DTNBP1: variants seen among roughly 807,000 people sequenced by gnomAD.
DTNBP1 encodes dystrobrevin binding protein 1.
A neutral mutation model predicts 42.8 loss-of-function variants in DTNBP1; 35 were observed. That is an observed-to-expected ratio of 0.82 (90% CI 0.63 to 1.09). DTNBP1 has a LOEUF of 1.09. DTNBP1 is among the 50% of genes least tolerant of loss of function. DTNBP1 has a pLI of 0.00. For synonymous variants in DTNBP1, 171 were observed against 162.2 expected (o/e 1.05, Z -0.41); for missense variants, 457 against 424.2 (o/e 1.08, Z -0.68).
At chr6:15,582,799 A>G (rs1223211212) in intron 7 of DTNBP1, among the ~76,000 whole-genome samples, 1 of 152,226 alleles carries the variant, frequency 6.6e-6, no homozygotes, top group Non-Finnish European at 1.5e-5. Context: ...AGTGAATAGC[A>G]TATTATTAAG....
chr6:15,541,922 C>T (rs1773585103), intron 7 of DTNBP1, among the ~76,000 whole-genome samples: 1 of 151,854 alleles, frequency 6.6e-6, no homozygotes, highest in African/African-American at 2.4e-5. Context: ...GGCCCCCAAA[C>T]CTCTGGGAGT....
chr6:15,635,702 C>T (rs938372375), intron 4 of DTNBP1, among the ~76,000 whole-genome samples: 7 of 152,126 alleles, frequency 4.6e-5, no homozygotes, highest in Admixed American at 4.6e-4. Flanking sequence ...CTCTGCCTAT[C>T]AATTCTTCTT....
intron 1 of DTNBP1, among the ~76,000 whole-genome samples, chr6:15,662,363 G>A (rs1761693779): frequency 6.6e-6 from 1 of 152,222 alleles, no homozygotes; most frequent in Non-Finnish European, 1.5e-5. Flanking sequence ...CTGCTGCGCG[G>A]TGCGATCCGA....
At chr6:15,632,384 TCTAA>T (rs1345086302) in intron 4 of DTNBP1, among the ~76,000 whole-genome samples, 1 of 152,200 alleles carries the variant, frequency 6.6e-6, no homozygotes, top group African/African-American at 2.4e-5. Context: ...CACATTTAAA[TCTAA>T]TGAAGCCAAA....
At chr6:15,640,942 G>A (rs993785263) in intron 3 of DTNBP1, among the ~76,000 whole-genome samples, 1 of 152,198 alleles carries the variant, frequency 6.6e-6, no homozygotes, top group African/African-American at 2.4e-5. Flanking sequence ...GCTTATGAAA[G>A]TCAAGGTGGG....
intron 6 of DTNBP1, among the ~76,000 whole-genome samples, chr6:15,612,209 A>T (rs980191835): frequency 6.6e-6 from 1 of 152,210 alleles, no homozygotes; most frequent in Admixed American, 6.5e-5. Flanking sequence ...CACCATCAAA[A>T]AGATTACAAC....
intron 7 of DTNBP1, among the ~76,000 whole-genome samples, chr6:15,534,742 G>A (rs922308047): frequency 4.0e-5 from 6 of 151,624 alleles, no homozygotes; most frequent in Non-Finnish European, 8.8e-5. Context: ...CTTAATCTTG[G>A]CTTTTTAGTG....
At chr6:15,637,871 G>C in intron 3 of DTNBP1, 67 bp from the exon 4 acceptor site, 1 of 1,466,130 alleles carries the variant, frequency 6.8e-7, no homozygotes, top group Non-Finnish European at 9.5e-7. Context: ...ATCTAAAGAT[G>C]AATGTGGAAT....
chr6:15,651,624 T>A (rs1375759450), intron 2 of DTNBP1, among the ~76,000 whole-genome samples: 1 of 152,182 alleles, frequency 6.6e-6, no homozygotes, highest in African/African-American at 2.4e-5. Flanking sequence ...AGAACAAATA[T>A]GTAAGATCAC....
Position 15,593,553 on chromosome 6 carries a change from G to A in DTNBP1, c.489-472C>T, listed in dbSNP as rs141477188. Among the ~76,000 whole-genome samples, 721 of 152,302 alleles carry A rather than the reference G, an allele frequency of 4.7e-3. 6 individuals carry two copies. Among genetic ancestry groups the A allele is most frequent in the African/African-American group, 0.017 (694 of 41,568 alleles). Reference sequence around the variant, plus strand: ...TTTCAACAGCAAAAGAGAAAAGGGGGAAAGTGCATATCAAAGGATTGAGGT... The same window carrying A: ...TTTCAACAGCAAAAGAGAAAAGGGGAAAAGTGCATATCAAAGGATTGAGGT... On this transcript the variant is annotated intron_variant, in intron 6 of 9. Coordinates refer to ENST00000344537, the MANE Select transcript of DTNBP1 (RefSeq NM_032122.5).
At chr6:15,632,110 T>C (rs919837475) in intron 4 of DTNBP1, among the ~76,000 whole-genome samples, 2 of 152,212 alleles carry the variant, frequency 1.3e-5, no homozygotes, top group African/African-American at 2.4e-5. Context: ...TGATATCTTT[T>C]ACTCACTTTT....
chr6:15,531,069 CA>C (rs2127794967), intron 8 of DTNBP1, among the ~76,000 whole-genome samples: 1 of 152,280 alleles, frequency 6.6e-6, no homozygotes, highest in Admixed American at 6.5e-5. Context: ...CAGAGAGCTC[CA>C]CCCTACTGTT....
chr6:15,620,773 C>T (rs927086530), intron 5 of DTNBP1, among the ~76,000 whole-genome samples: 21 of 152,094 alleles, frequency 1.4e-4, no homozygotes, highest in African/African-American at 4.1e-4. Context: ...ATATGGGGGA[C>T]GGGTTAAGAG....
intron 9 of DTNBP1, chr6:15,523,931 G>A (rs950286038): frequency 3.1e-6 from 4 of 1,287,262 alleles, no homozygotes; most frequent in Non-Finnish European, 3.0e-6. Flanking sequence ...ACTGAGCTTT[G>A]CCTTGACCCA....
intron 8 of DTNBP1, among the ~76,000 whole-genome samples, chr6:15,527,042 T>G (rs1266416172): frequency 6.6e-6 from 1 of 152,044 alleles, no homozygotes; most frequent in African/African-American, 2.4e-5. Context: ...TCTTAAAAAA[T>G]GAAAAGATAT....
rs1378921510 is a variant in DTNBP1 at position 15,662,940 on chromosome 6, G to A, written c.-71C>T. The A allele has an allele frequency of 6.3e-7, 1 of 1,589,862 alleles. No individual in the cohort carries two copies. The highest frequency in any genetic ancestry group is 1.1e-5 in the South Asian group (1 of 90,738). The stretch of plus-strand genomic sequence containing the variant: ...GCCTCTGTCGCCCCCTGGGTCCCAC[G>A]CCGCCAACCCCGCGCTGTCACCGCG... On this transcript the variant is annotated 5_prime_UTR_variant, in exon 1 of 10. Transcript: ENST00000344537.
intron 7 of DTNBP1, among the ~76,000 whole-genome samples, chr6:15,578,538 G>A (rs1775680806): frequency 6.6e-6 from 1 of 152,308 alleles, no homozygotes; most frequent in African/African-American, 2.4e-5. Context: ...AACAGAGGGA[G>A]AGAAAAGTAA....
At chr6:15,576,700 T>C (rs746963477) in intron 7 of DTNBP1, among the ~76,000 whole-genome samples, 23 of 140,982 alleles carry the variant, frequency 1.6e-4, no homozygotes, top group Non-Finnish European at 2.9e-4. Flanking sequence ...ACCCAGGAGA[T>C]GGAGGTTGCA....
intron 1 of DTNBP1, among the ~76,000 whole-genome samples, chr6:15,659,339 G>A (rs1260334007): frequency 6.6e-6 from 1 of 152,206 alleles, no homozygotes; most frequent in African/African-American, 2.4e-5. Flanking sequence ...CTGCACTGAA[G>A]GAGCCCAGAA....
Sources: allele counts gnomAD v4.1 joint callset (sites outside exome capture counted in the v4.1 genomes callset), GRCh38; gene constraint gnomAD v4.1.1; transcripts MANE v1.5; gene names NCBI Gene and HGNC (gene_info 2026-07-23, HGNC 2026-07-21).